The following SH3KBP1 variants were observed in gnomAD, a reference collection of about 807,000 sequenced individuals.
SH3KBP1 encodes the protein SH3 domain containing kinase binding protein 1, also known as SH3 domain-containing kinase-binding protein 1.
SH3KBP1 carries 8 observed loss-of-function variants against 50.1 expected under a neutral mutation model. The observed-to-expected ratio is 0.16, with a 90% CI of 0.09 to 0.29. The LOEUF is 0.29. SH3KBP1 is among the 10% of genes least tolerant of loss of function. The pLI is 1.00. For synonymous variants in SH3KBP1, 227 were observed against 218.6 expected, an observed-to-expected ratio of 1.04 and a Z score of -0.34; for missense variants, 377 against 535.2, an observed-to-expected ratio of 0.70 and a Z score of 2.92.
intron 8 of SH3KBP1, among the ~76,000 whole-genome samples, chrX:19,624,838 C>T (rs1270925728): frequency 8.9e-6 from 1 of 112,414 alleles, no homozygotes; most frequent in African/African-American, 3.2e-5. Context: ...GACTCATTTG[C>T]TCAACACTGA....
intron 1 of SH3KBP1, among the ~76,000 whole-genome samples, chrX:19,842,967 T>C (rs1336013355): frequency 1.8e-5 from 2 of 109,667 alleles, no homozygotes; most frequent in Non-Finnish European, 3.8e-5. Context: ...TGGTTTCTTT[T>C]ACTTAAAACC....
At chrX:19,604,527 T>C (rs746115420) in intron 9 of SH3KBP1, among the ~76,000 whole-genome samples, 1 of 112,209 alleles carries the variant, frequency 8.9e-6, no homozygotes, top group South Asian at 3.7e-4. Context: ...TCATCACAGA[T>C]CGTCCTCTTT....
Position 19,830,893 on chromosome X carries a change from T to C in SH3KBP1, c.162+5232A>G, listed in dbSNP as rs998132615. Among the ~76,000 whole-genome samples, 3 of 112,227 alleles carry C rather than the reference T, an allele frequency of 2.7e-5. No homozygotes were observed. The Admixed American group carries it at 2.8e-4, about 11-fold the overall frequency. On this transcript the variant is annotated intron_variant, in intron 2 of 17. Transcript: ENST00000397821. ...AAAGAGAGACAAACCTAAAAAGGCA[T>C]GTGGCCTAGCTGGGTACATTTCTGC...
chrX:19,746,277 G>A (rs202091644), intron 3 of SH3KBP1, 41 bp downstream of exon 3: 3 of 1,194,161 alleles, frequency 2.5e-6, no homozygotes, highest in Non-Finnish European at 3.4e-6. Context: ...TCCAGCTTTT[G>A]TTTGTGTGCA....
chrX:19,694,391 C>T (rs1267975467), intron 5 of SH3KBP1, among the ~76,000 whole-genome samples: 1 of 111,204 alleles, frequency 9.0e-6, no homozygotes, highest in Non-Finnish European at 1.9e-5. Flanking sequence ...TAGTACTCAT[C>T]AGCTGGGCCA....
chrX:19,737,278 A>C (rs2064615607), intron 3 of SH3KBP1, among the ~76,000 whole-genome samples: 1 of 111,082 alleles, frequency 9.0e-6, no homozygotes, highest in African/African-American at 3.3e-5. Flanking sequence ...GGAGGCTCCC[A>C]CGTGGGGCTT....
intron 8 of SH3KBP1, among the ~76,000 whole-genome samples, chrX:19,627,227 G>C (rs1226544384): frequency 8.9e-6 from 1 of 112,209 alleles, no homozygotes; most frequent in Admixed American, 9.4e-5. Context: ...CCAAGAGTGG[G>C]AACATGGCCA....
Position 19,730,056 on chromosome X carries a change from G to T in SH3KBP1, c.286+16262C>A, listed in dbSNP as rs749324559. 2.7e-5 allele frequency among the ~76,000 whole-genome samples: 3 copies of T among 110,381 alleles called. No individual in the cohort carries two copies. The South Asian group carries it at 1.2e-3, about 42-fold the overall frequency. On this transcript the variant is annotated intron_variant, in intron 3 of 17. Transcript: ENST00000397821. ...CAACTGCCTTACCTTTTATCTCAATGATGTAGTCAAAAGTAAATTACAAAG... is the reference window on the plus strand; with the variant it reads ...CAACTGCCTTACCTTTTATCTCAATTATGTAGTCAAAAGTAAATTACAAAG...
intron 2 of SH3KBP1, among the ~76,000 whole-genome samples, chrX:19,801,631 G>A (rs1458728100): frequency 8.9e-6 from 1 of 111,929 alleles, no homozygotes; most frequent in African/African-American, 3.2e-5. Flanking sequence ...ACTGCAAATG[G>A]GCACAGGTTT....
intron 6 of SH3KBP1, among the ~76,000 whole-genome samples, chrX:19,661,819 G>T (rs751228285): frequency 2.7e-5 from 3 of 110,389 alleles, no homozygotes; most frequent in Non-Finnish European, 5.7e-5. Flanking sequence ...TAGAGACAGG[G>T]TTTCACCATG....
At chrX:19,628,543 G>A in intron 8 of SH3KBP1, among the ~76,000 whole-genome samples, 1 of 111,624 alleles carries the variant, frequency 9.0e-6, no homozygotes, top group Non-Finnish European at 1.9e-5. Context: ...CTTGTCATCT[G>A]AACACACCGC....
At chrX:19,798,930 G>T (rs1272035452) in intron 2 of SH3KBP1, among the ~76,000 whole-genome samples, 2 of 112,163 alleles carry the variant, frequency 1.8e-5, no homozygotes, top group Non-Finnish European at 3.8e-5. Flanking sequence ...TTTCAGATGA[G>T]AAAAGTAAGA....
chrX:19,631,115 A>G (rs996752680), intron 8 of SH3KBP1, among the ~76,000 whole-genome samples: 15 of 112,375 alleles, frequency 1.3e-4, no homozygotes, highest in Non-Finnish European at 2.3e-4. Context: ...TCCCCTGAAT[A>G]CAAGAATAAA....
At chrX:19,712,395 C>A (rs2063797492) in intron 3 of SH3KBP1, among the ~76,000 whole-genome samples, 1 of 111,629 alleles carries the variant, frequency 9.0e-6, no homozygotes, top group African/African-American at 3.3e-5. Context: ...ATTCATGAGT[C>A]CATATTAATA....
chrX:19,630,788 T>C (rs926192065), intron 8 of SH3KBP1, among the ~76,000 whole-genome samples: 7 of 112,043 alleles, frequency 6.2e-5, no homozygotes, highest in African/African-American at 2.3e-4. Flanking sequence ...GATTTGGCTC[T>C]TAAAACACAC....
intron 6 of SH3KBP1, chrX:19,670,805 T>C: frequency 9.3e-7 from 1 of 1,070,036 alleles, no homozygotes; most frequent in South Asian, 2.1e-5. Context: ...ACAGATAAGA[T>C]ACAGGTTAAC....
At chrX:19,665,559 T>C (rs184459451) in intron 6 of SH3KBP1, among the ~76,000 whole-genome samples, 1 of 112,200 alleles carries the variant, frequency 8.9e-6, no homozygotes, top group African/African-American at 3.2e-5. Flanking sequence ...GTATAGCTTA[T>C]TGTGATGTTT....
Position 19,849,124 on chromosome X carries a change from C to T in SH3KBP1, c.5-12842G>A, listed in dbSNP as rs756855826. Among the ~76,000 whole-genome samples, 249 of 110,179 alleles carry T rather than the reference C, an allele frequency of 2.3e-3. 1 individual carries two copies. The highest frequency in any genetic ancestry group is 4.3e-3 in the Non-Finnish European group (225 of 52,793). The stretch of plus-strand genomic sequence containing the variant: ...CGTGCCTGGCCAGCTGTGGACATTA[C>T]AAAAAGAGAGACAACCAGGCATCTG... On this transcript the variant is annotated intron_variant, in intron 1 of 17. Transcript: ENST00000397821.
intron 3 of SH3KBP1, among the ~76,000 whole-genome samples, chrX:19,720,395 C>T (rs1330337969): frequency 9.0e-6 from 1 of 111,198 alleles, no homozygotes; most frequent in East Asian, 2.8e-4. Flanking sequence ...AGGAGAAAAT[C>T]CAATACGTAA....
Sources: allele counts gnomAD v4.1 joint callset (sites outside exome capture counted in the v4.1 genomes callset), GRCh38; gene constraint gnomAD v4.1.1; transcripts MANE v1.5; gene names NCBI Gene and HGNC (gene_info 2026-07-23, HGNC 2026-07-21).